ROR1: variants seen among roughly 807,000 people sequenced by gnomAD.
The protein encoded by ROR1 is ROR family WNT receptor 1, also known as inactive tyrosine-protein kinase transmembrane receptor ROR1.
ROR1 carries 19 observed loss-of-function variants against 78.8 expected under a neutral mutation model. The ratio of observed to expected loss-of-function variants is 0.24; its 90% CI spans 0.17 to 0.35. The LOEUF (loss-of-function observed/expected upper bound fraction) is 0.35. Ranked by LOEUF, ROR1 falls within the 10% of genes least tolerant of loss-of-function variation. The pLI, the probability that ROR1 is intolerant of heterozygous loss-of-function variation, is 1.00. For synonymous variants in ROR1, 386 were observed against 433.6 expected (o/e 0.89, Z 1.36); for missense variants, 917 against 1,177.8 (o/e 0.78, Z 3.24).
At chr1:63,793,907 G>A (rs1275886640) in intron 1 of ROR1, among the ~76,000 whole-genome samples, 2 of 152,202 alleles carry the variant, frequency 1.3e-5, no homozygotes, top group Non-Finnish European at 2.9e-5. Flanking sequence ...GCCTCCTGGG[G>A]ACTGTGGCTA....
chr1:64,012,433 G>A (rs796101015), intron 2 of ROR1, among the ~76,000 whole-genome samples: 5 of 152,238 alleles, frequency 3.3e-5, no homozygotes, highest in African/African-American at 9.6e-5. Flanking sequence ...AACCAAGATG[G>A]TAACATAAAA....
chr1:63,967,937 C>G (rs1379839896), intron 1 of ROR1, among the ~76,000 whole-genome samples: 2 of 152,126 alleles, frequency 1.3e-5, no homozygotes, highest in Non-Finnish European at 2.9e-5. Flanking sequence ...GTTTTTTATC[C>G]TGGAAAGTGA....
In ROR1 at chr1:63,923,266, C is replaced by T. The variant is rs1434520802; in HGVS notation, c.92-86039C>T. ...TCCTTGTAACTCTGGAACAGGATCC[C>T]AGGCCATGTGGAATCTTGAAAAGGT... On this transcript the variant is annotated intron_variant, in intron 1 of 8. Transcript: ENST00000371079. Among the ~76,000 whole-genome samples the T allele has an allele frequency of 2.6e-5, 4 of 152,286 alleles. 1 individual carries two copies. The highest frequency in any genetic ancestry group is 2.6e-4 in the Admixed American group (4 of 15,278).
intron 1 of ROR1, among the ~76,000 whole-genome samples, chr1:63,838,182 C>T (rs1645029654): frequency 6.6e-6 from 1 of 152,002 alleles, no homozygotes; most frequent in East Asian, 1.9e-4. Flanking sequence ...TAGTAATAAA[C>T]AACTATGTTA....
intron 1 of ROR1, among the ~76,000 whole-genome samples, chr1:63,803,005 T>G (rs775357321): frequency 2.6e-5 from 4 of 152,248 alleles, no homozygotes; most frequent in Non-Finnish European, 4.4e-5. Flanking sequence ...TATTTTGCAC[T>G]CTTCTTTTTG....
chr1:63,905,120 C>T (rs1326376262), intron 1 of ROR1, among the ~76,000 whole-genome samples: 1 of 152,024 alleles, frequency 6.6e-6, no homozygotes, highest in South Asian at 2.1e-4. Context: ...TGTCTTAGTG[C>T]AGAGAACATG....
At position 63,848,995 on chromosome 1, in the gene ROR1, G is replaced by A. The variant is rs540867657; in HGVS notation, c.91+74487G>A. ...CTTATTGATATGTCAGGCTGTGGGCGGCATCCTGGGGTCTGTTATGGCAAT... is the reference window on the plus strand; with the variant it reads ...CTTATTGATATGTCAGGCTGTGGGCAGCATCCTGGGGTCTGTTATGGCAAT... On this transcript the variant is annotated intron_variant, in intron 1 of 8. Coordinates refer to ENST00000371079, the MANE Select transcript of ROR1 (RefSeq NM_005012.4). Among the ~76,000 whole-genome samples the A allele has an allele frequency of 2.6e-5, 4 of 152,216 alleles. No individual in the cohort carries two copies. In the South Asian group the frequency reaches 6.2e-4, roughly 24 times the overall value.
In ROR1 at chr1:64,144,037, CAGG is replaced by C. The variant is rs374702607; in HGVS notation, c.1174+1396_1174+1398del. Reference sequence around the variant, plus strand: ...CAGGGGAGAGATAAAGTGGCCTTGACAGGAGGAGGAGTGGAAGACGGAGGGACA... The same window carrying C: ...CAGGGGAGAGATAAAGTGGCCTTGACAGGAGGAGTGGAAGACGGAGGGACA... On this transcript the variant is annotated intron_variant, in intron 7 of 8. Coordinates refer to ENST00000371079, the MANE Select transcript of ROR1 (RefSeq NM_005012.4). Among the ~76,000 whole-genome samples, 63 of 152,216 alleles carry C rather than the reference CAGG, an allele frequency of 4.1e-4. No individual in the cohort carries two copies. In the East Asian group the frequency reaches 0.012, roughly 29 times the overall value.
At chr1:64,054,086 T>C (rs907903953) in intron 4 of ROR1, among the ~76,000 whole-genome samples, 2 of 152,162 alleles carry the variant, frequency 1.3e-5, no homozygotes, top group African/African-American at 4.8e-5. Flanking sequence ...TCTGAGTACC[T>C]GGGACCACAG....
intron 8 of ROR1, among the ~76,000 whole-genome samples, chr1:64,176,396 C>G (rs1650380519): frequency 6.6e-6 from 1 of 152,186 alleles, no homozygotes; most frequent in Non-Finnish European, 1.5e-5. Context: ...AACTTTAACT[C>G]ATAGGTCTGA....
intron 1 of ROR1, among the ~76,000 whole-genome samples, chr1:64,004,450 G>C (rs186459781): frequency 6.6e-6 from 1 of 152,312 alleles, no homozygotes; most frequent in East Asian, 1.9e-4. Flanking sequence ...TATGTCTTGG[G>C]CCTTGAGGGC....
At chr1:63,806,778 T>G (rs1230846155) in intron 1 of ROR1, among the ~76,000 whole-genome samples, 1 of 152,228 alleles carries the variant, frequency 6.6e-6, no homozygotes, top group African/African-American at 2.4e-5. Context: ...TTCCTTGTCT[T>G]GACAGATTCA....
intron 1 of ROR1, among the ~76,000 whole-genome samples, chr1:63,842,922 C>T (rs1645057713): frequency 6.6e-6 from 1 of 151,826 alleles, no homozygotes; most frequent in South Asian, 2.1e-4. Flanking sequence ...CTCTCCACAA[C>T]TGGGGTGCCT....
At chr1:63,971,314 A>G (rs542917690) in intron 1 of ROR1, among the ~76,000 whole-genome samples, 2 of 152,346 alleles carry the variant, frequency 1.3e-5, no homozygotes, top group South Asian at 4.1e-4. Flanking sequence ...CCCATAAGCT[A>G]TTATAAGGAT....
intron 1 of ROR1, among the ~76,000 whole-genome samples, chr1:63,931,987 A>G (rs1645756272): frequency 6.6e-6 from 1 of 152,104 alleles, no homozygotes; most frequent in African/African-American, 2.4e-5. Context: ...CTAGGAACGT[A>G]CCCCCTTTGG....
chr1:63,942,403 C>A (rs549518989), intron 1 of ROR1, among the ~76,000 whole-genome samples: 2 of 152,000 alleles, frequency 1.3e-5, no homozygotes. Flanking sequence ...GGTGTTTCTC[C>A]TCTTTAGTGT....
chr1:64,048,588 C>A (rs1646804046), intron 2 of ROR1, among the ~76,000 whole-genome samples: 1 of 152,092 alleles, frequency 6.6e-6, no homozygotes, highest in African/African-American at 2.4e-5. Flanking sequence ...CCATGAATAA[C>A]AGAGCACGTT....
chr1:63,868,149 TTTTG>T (rs1645228769), intron 1 of ROR1, among the ~76,000 whole-genome samples: 1 of 152,118 alleles, frequency 6.6e-6, no homozygotes, highest in Non-Finnish European at 1.5e-5. Flanking sequence ...GTTGTTGTTG[TTTTG>T]TTTTTTTGTT....
intron 2 of ROR1, among the ~76,000 whole-genome samples, chr1:64,047,548 C>T (rs547780523): frequency 6.6e-6 from 1 of 152,266 alleles, no homozygotes; most frequent in Non-Finnish European, 1.5e-5. Flanking sequence ...AATCACTATG[C>T]TTATAGTGGC....
Sources: allele counts gnomAD v4.1 joint callset (sites outside exome capture counted in the v4.1 genomes callset), GRCh38; gene constraint gnomAD v4.1.1; transcripts MANE v1.5; gene names NCBI Gene and HGNC (gene_info 2026-07-23, HGNC 2026-07-21).